The following GNAS variants were observed in gnomAD, a reference collection of about 807,000 sequenced individuals.
GNAS encodes protein ALEX.
In GNAS, 8 loss-of-function variants were observed where a neutral mutation model predicts 54.5. The ratio of observed to expected loss-of-function variants is 0.15; its 90% CI spans 0.09 to 0.26. The LOEUF (loss-of-function observed/expected upper bound fraction) is 0.26, where lower values mean the gene tolerates loss of function less well. Among genes scored for constraint, GNAS ranks in the 10% least tolerant of loss-of-function variants. The pLI is 1.00. For synonymous variants in GNAS, 204 were observed against 191.4 expected, an observed-to-expected ratio of 1.07 and a Z score of -0.54; for missense variants, 170 against 529.8, an observed-to-expected ratio of 0.32 and a Z score of 6.67.
At chr20:58,855,949 TC>T in intron 1 of GNAS, 1 of 351,994 alleles carries the variant, frequency 2.8e-6, no homozygotes, top group Non-Finnish European at 5.2e-6. Context: ...CAAAAAACTT[TC>T]GCTGTTCGCA....
Position 58,910,266 on chromosome 20 carries a change from A to G in GNAS, c.971-68A>G, listed in dbSNP as rs1235742041. 4.5e-6 allele frequency: 6 copies of G among 1,322,830 alleles called. No individual in the cohort carries two copies. The highest frequency in any genetic ancestry group is 4.4e-6 in the Non-Finnish European group (4 of 913,868). 81.9% of individuals were successfully genotyped at this position (1,322,830 alleles called of 1,614,324 possible). On this transcript the variant is annotated intron_variant, in intron 11 of 12. Transcript: ENST00000371085. The surrounding 1 kb of genome is among the most constrained non-coding windows in gnomAD (Gnocchi z 5.8). The stretch of plus-strand genomic sequence containing the variant: ...GGGTTTTGAAGACTTCAGGAGCTAC[A>G]GAGATGCTAGCACCCCAGCTCTGCT...
chr20:58,847,753 C>T (rs1347361025), intron 1 of GNAS, among the ~76,000 whole-genome samples: 2 of 152,208 alleles, frequency 1.3e-5, no homozygotes, highest in African/African-American at 4.8e-5. Flanking sequence ...CTTTCACCCA[C>T]CTCCCTTCCC....
upstream of GNAS, among the ~76,000 whole-genome samples, chr20:58,890,287 A>C (rs1290304348): frequency 6.0e-5 from 9 of 150,560 alleles, no homozygotes; most frequent in Admixed American, 5.3e-4. Flanking sequence ...GACGACGACG[A>C]GGGCGCCGAG....
At position 58,910,221 on chromosome 20, in the gene GNAS, A is replaced by C; in HGVS notation, c.971-113A>C. ...AAGCAAGAAAAACGCACTCCCACTA[A>C]TTCTCATATGGAAAAATCAGGGTTT... On this transcript the variant is annotated intron_variant, in intron 11 of 12. Transcript: ENST00000371085. This position sits in a 1 kb window ranked among gnomAD's most constrained non-coding sequence, Gnocchi z 5.8. 8.0e-7 allele frequency: 1 copy of C among 1,252,382 alleles called. No homozygotes were observed. Among genetic ancestry groups the C allele is most frequent in the East Asian group, 2.3e-5 (1 of 43,240 alleles). 77.6% of individuals were successfully genotyped at this position (1,252,382 alleles called of 1,614,324 possible).
At chr20:58,900,900 T>C (rs776129991) in intron 3 of GNAS, among the ~76,000 whole-genome samples, 2 of 152,236 alleles carry the variant, frequency 1.3e-5, no homozygotes, top group Non-Finnish European at 2.9e-5. Context: ...ATACTTGATA[T>C]ACTCCCACAC....
At chr20:58,894,106 T>TC (rs1211304014) in intron 1 of GNAS, among the ~76,000 whole-genome samples, 24 of 152,226 alleles carry the variant, frequency 1.6e-4, no homozygotes, top group African/African-American at 5.5e-4. Flanking sequence ...CTCTTTTTAC[T>TC]CCATCTTAAT....
chr20:58,902,240 C>T (rs2090681229), intron 3 of GNAS, among the ~76,000 whole-genome samples: 1 of 152,106 alleles, frequency 6.6e-6, no homozygotes, highest in Non-Finnish European at 1.5e-5. Flanking sequence ...GCTGTGTGTG[C>T]TGGTTCCATT....
chr20:58,895,425 A>T, intron 1 of GNAS, 187 bp from the exon 2 acceptor site: 1 of 630,592 alleles, frequency 1.6e-6, no homozygotes, highest in South Asian at 1.8e-5. Context: ...CTGCAGGTAG[A>T]CACTGAATTG....
In GNAS at chr20:58,873,037, T is replaced by A. The variant is rs1210483300; in HGVS notation, c.44-22575T>A. On this transcript the variant is annotated intron_variant, in intron 1 of 12. Coordinates refer to the GNAS transcript ENST00000306090. The surrounding 1 kb of genome is among the most constrained non-coding windows in gnomAD (Gnocchi z 4.3). ...TTCTCAAGGCGTTAGCCTCATCCCA[T>A]CAGGAGGAGTTCAGACTCTCCCCAA... Among the ~76,000 whole-genome samples the A allele has an allele frequency of 6.6e-6, 1 of 152,168 alleles. No individual in the cohort carries two copies. The highest frequency in any genetic ancestry group is 1.5e-5 in the Non-Finnish European group (1 of 68,020).
upstream of GNAS, chr20:58,889,676 ATCCTTTTTGGCGCTAACTCT>A (rs1185446621): frequency 3.3e-5 from 5 of 151,238 alleles, no homozygotes; most frequent in African/African-American, 1.2e-4. Flanking sequence ...TCGTTTGCTC[ATCCTTTTTGGCGCTAACTCT>A]TAGGCAGCCA....
In GNAS at chr20:58,891,656, C is replaced by T. The variant is rs2089347912; in HGVS notation, c.-71C>T. The T allele has an allele frequency of 3.4e-5, 33 of 973,594 alleles. No individual in the cohort carries two copies. The highest frequency in any genetic ancestry group is 3.9e-5 in the Non-Finnish European group (32 of 824,382). 60.3% of individuals were successfully genotyped at this position (973,594 alleles called of 1,614,324 possible). Reference sequence around the variant, plus strand: ...CCGCCCGGCGCTGCCCCGGCCCTCCCGGCCCGCGTGAGGCCGCCCGCGCCC... The same window carrying T: ...CCGCCCGGCGCTGCCCCGGCCCTCCTGGCCCGCGTGAGGCCGCCCGCGCCC... On this transcript the variant is annotated 5_prime_UTR_variant, in exon 1 of 13. Transcript: ENST00000371085.
At chr20:58,901,454 C>G (rs2090591834) in intron 3 of GNAS, among the ~76,000 whole-genome samples, 2 of 152,174 alleles carry the variant, frequency 1.3e-5, no homozygotes, top group Admixed American at 6.5e-5. Flanking sequence ...TACACAAGGC[C>G]TGAAGCTCGC....
At chr20:58,890,811 T>G (rs1378887969), upstream of GNAS, 1 of 152,150 alleles carries the variant, frequency 6.6e-6, no homozygotes, top group Non-Finnish European at 1.5e-5. Context: ...TTCGTGTTCG[T>G]GTGTGTGTGT....
intron 1 of GNAS, among the ~76,000 whole-genome samples, chr20:58,885,652 C>T (rs964414457): frequency 2.6e-5 from 4 of 152,274 alleles, no homozygotes; most frequent in East Asian, 1.9e-4. Context: ...TCACTACATT[C>T]GATTTCTAAG....
chr20:58,840,308 C>T (rs1228151376), upstream of GNAS: 1 of 1,612,778 alleles, frequency 6.2e-7, no homozygotes. The surrounding 1 kb of genome is among the most constrained non-coding windows in gnomAD (Gnocchi z 6.0). Context: ...CCTTAACGCC[C>T]ACCACCGCTC....
At chr20:58,846,226 C>T (rs941114928) in intron 1 of GNAS, among the ~76,000 whole-genome samples, 18 of 152,124 alleles carry the variant, frequency 1.2e-4, no homozygotes, top group East Asian at 7.7e-4. Flanking sequence ...TAAAGAAAGT[C>T]GTTTGAAGGA....
intron 1 of GNAS, among the ~76,000 whole-genome samples, chr20:58,892,945 C>T (rs754220297): frequency 1.4e-5 from 2 of 142,046 alleles, no homozygotes; most frequent in Admixed American, 7.2e-5. Context: ...CATTTTCCTG[C>T]TGGCTGGCCA....
At position 58,850,671 on chromosome 20, in the gene GNAS, G is replaced by C. The variant is rs1339835896; in HGVS notation, c.43+9785G>C. The C allele has an allele frequency of 1.0e-5, 4 of 398,976 alleles. No homozygotes were observed. In the East Asian group the frequency reaches 1.1e-4, roughly 11 times the overall value. 24.7% of individuals were successfully genotyped at this position (398,976 alleles called of 1,614,324 possible). On this transcript the variant is annotated intron_variant, in intron 1 of 12. Transcript: ENST00000306090. The stretch of plus-strand genomic sequence containing the variant: ...ATCTTCTTGCTCCTCACCTTGCCCG[G>C]CAGTGGCACCCCGTTGGCTGGGTTA...
At chr20:58,891,972 C>A (rs866040078) in intron 1 of GNAS, 107 bp downstream of exon 1, 1 of 764,812 alleles carries the variant, frequency 1.3e-6, no homozygotes. Context: ...CGCTCCCGAG[C>A]CCCCCGCCCG....
Sources: gnomAD v4.1 joint callset for allele counts (sites outside exome capture counted in the v4.1 genomes callset) on GRCh38, gnomAD v4.1.1 for gene constraint, Gnocchi (gnomAD v3.1) non-coding constraint, MANE v1.5 for transcripts, NCBI Gene and HGNC (gene_info 2026-07-23, HGNC 2026-07-21) for gene names.